JAKMIP2: variants seen among roughly 807,000 people sequenced by gnomAD.
JAKMIP2 encodes janus kinase and microtubule interacting protein 2, also known as janus kinase and microtubule-interacting protein 2.
In JAKMIP2, 25 loss-of-function variants were observed where a neutral mutation model predicts 115.0. The observed-to-expected ratio is 0.22, with a 90% CI of 0.16 to 0.30. JAKMIP2 has a LOEUF of 0.30. JAKMIP2 is among the 10% of genes least tolerant of loss of function. The pLI, the probability that JAKMIP2 is intolerant of heterozygous loss-of-function variation, is 1.00. For missense variants in JAKMIP2, 642 were observed against 957.6 expected (o/e 0.67, Z 4.35); for synonymous variants, 334 against 343.6 (o/e 0.97, Z 0.31).
chr5:147,641,972 A>C (rs778264010), intron 7 of JAKMIP2, among the ~76,000 whole-genome samples: 5 of 152,154 alleles, frequency 3.3e-5, no homozygotes, highest in Non-Finnish European at 7.4e-5. Flanking sequence ...AGTTATGTGG[A>C]TCAAGGAGCC....
chr5:147,597,336 G>A (rs1755449173), intron 21 of JAKMIP2, among the ~76,000 whole-genome samples: 1 of 152,154 alleles, frequency 6.6e-6, no homozygotes, highest in South Asian at 2.1e-4. Flanking sequence ...CAATAACATA[G>A]TATTATGTGC....
At chr5:147,711,896 G>A (rs1324206028) in intron 1 of JAKMIP2, among the ~76,000 whole-genome samples, 1 of 152,170 alleles carries the variant, frequency 6.6e-6, no homozygotes, top group African/African-American at 2.4e-5. Flanking sequence ...TTGAATTCCT[G>A]ACCTCAGGTG....
At chr5:147,602,695 A>C (rs1755769670) in intron 20 of JAKMIP2, among the ~76,000 whole-genome samples, 1 of 152,144 alleles carries the variant, frequency 6.6e-6, no homozygotes, top group African/African-American at 2.4e-5. Context: ...GTCAGTTTTA[A>C]AAAAAATAAT....
chr5:147,636,061 G>A (rs1001947936), intron 12 of JAKMIP2, among the ~76,000 whole-genome samples, 161 bp downstream of exon 12: 4 of 152,152 alleles, frequency 2.6e-5, no homozygotes, highest in Admixed American at 6.5e-5. Flanking sequence ...TGGTGATGGC[G>A]GTGACAGGGA....
chr5:147,669,309 G>A (rs1335428956), intron 2 of JAKMIP2, among the ~76,000 whole-genome samples: 1 of 152,178 alleles, frequency 6.6e-6, no homozygotes, highest in African/African-American at 2.4e-5. Context: ...GCCAAGGAGA[G>A]GGAGCCAGGC....
chr5:147,772,382 G>A (rs1755391525), intron 1 of JAKMIP2, among the ~76,000 whole-genome samples: 1 of 147,382 alleles, frequency 6.8e-6, no homozygotes, highest in Admixed American at 7.0e-5. Context: ...GCTTCTATAT[G>A]AATGAAAACT....
chr5:147,647,140 CA>C (rs1011232255), intron 5 of JAKMIP2, among the ~76,000 whole-genome samples: 1 of 151,806 alleles, frequency 6.6e-6, no homozygotes, highest in African/African-American at 2.4e-5. Context: ...ATGAAATATA[CA>C]AAGTACATTC....
chr5:147,687,820 G>A (rs1287927227), intron 1 of JAKMIP2, among the ~76,000 whole-genome samples: 1 of 152,114 alleles, frequency 6.6e-6, no homozygotes, highest in Non-Finnish European at 1.5e-5. Context: ...ATTTACCACT[G>A]TACATGTATT....
intron 1 of JAKMIP2, among the ~76,000 whole-genome samples, chr5:147,781,422 G>A (rs1358701222): frequency 6.6e-6 from 1 of 152,144 alleles, no homozygotes; most frequent in Non-Finnish European, 1.5e-5. Context: ...GAAAAGGTTG[G>A]GGTGGCATTT....
intron 1 of JAKMIP2, among the ~76,000 whole-genome samples, chr5:147,701,156 A>G (rs747333104): frequency 6.6e-6 from 1 of 152,172 alleles, no homozygotes; most frequent in Non-Finnish European, 1.5e-5. Context: ...AATAAAAGGA[A>G]TATGATTCTG....
chr5:147,648,515 T>C, intron 4 of JAKMIP2, 41 bp from the exon 5 acceptor site: 1 of 1,135,146 alleles, frequency 8.8e-7, no homozygotes, highest in Non-Finnish European at 1.3e-6. Context: ...TCAACAACAC[T>C]TTTCACAAAG....
chr5:147,718,271 G>A (rs1297696664), intron 1 of JAKMIP2, among the ~76,000 whole-genome samples: 1 of 150,384 alleles, frequency 6.6e-6, no homozygotes, highest in Non-Finnish European at 1.5e-5. Flanking sequence ...GAGGATTTTT[G>A]CATCAATGTT....
chr5:147,629,565 C>G, intron 15 of JAKMIP2, 128 bp downstream of exon 15: 1 of 624,398 alleles, frequency 1.6e-6, no homozygotes, highest in Non-Finnish European at 2.8e-6. Context: ...TATATTCTTC[C>G]CAAGGAGCAA....
chr5:147,598,513 G>C (rs1488165959), intron 21 of JAKMIP2, among the ~76,000 whole-genome samples: 1 of 151,592 alleles, frequency 6.6e-6, no homozygotes, highest in African/African-American at 2.4e-5. Flanking sequence ...TACCTCTCTG[G>C]AGAACCTGAC....
At chr5:147,598,268 G>C (rs937195922) in intron 21 of JAKMIP2, among the ~76,000 whole-genome samples, 25 of 152,086 alleles carry the variant, frequency 1.6e-4, no homozygotes, top group Non-Finnish European at 3.2e-4. Flanking sequence ...CAAAGTGCTG[G>C]GATTACAGGC....
At chr5:147,716,050 T>G (rs1331893297) in intron 1 of JAKMIP2, among the ~76,000 whole-genome samples, 1 of 140,286 alleles carries the variant, frequency 7.1e-6, no homozygotes, top group African/African-American at 2.7e-5. Flanking sequence ...TGTGTCCATG[T>G]GATCTCATTG....
At chr5:147,618,193 T>C in intron 18 of JAKMIP2, 79 bp from the exon 19 acceptor site, 1 of 1,048,156 alleles carries the variant, frequency 9.5e-7, no homozygotes, top group Non-Finnish European at 1.5e-6. Context: ...TATGTATGTA[T>C]ATGTATATGG....
chr5:147,623,629 T>C lies in JAKMIP2; in HGVS notation c.2056A>G (p.Ser686Gly). 6.2e-7 allele frequency: 1 copy of C among 1,602,868 alleles called. No homozygotes were observed. The change falls in exon 17 of 22, where the codon AGT becomes GGT. Residue 686 changes from serine (S) to glycine (G), a missense_variant. Physicochemically the swap from Ser to Gly is moderately conservative, Grantham distance 56. This residue lies in a region of JAKMIP2 where 68 missense variants were observed against 104.6 expected (regional missense o/e 0.65). Coordinates refer to ENST00000616793, the MANE Select transcript of JAKMIP2 (RefSeq NM_001270941.2). ...ALHQKMMELESDMEQFCKIKG... is the reference protein window; with the variant it reads ...ALHQKMMELEGDMEQFCKIKG... ...TCTCATCTTGTACTTACCATGTCAC[T>C]TTCCAATTCCATCATTTTCTGGTGT...
At chr5:147,762,961 C>G (rs1190857169) in intron 1 of JAKMIP2, among the ~76,000 whole-genome samples, 1 of 151,990 alleles carries the variant, frequency 6.6e-6, no homozygotes, top group Non-Finnish European at 1.5e-5. Context: ...AAACTTCTGC[C>G]AGGAGAGTTT....
Sources: gnomAD v4.1 joint callset for allele counts (sites outside exome capture counted in the v4.1 genomes callset) on GRCh38, gnomAD v4.1.1 for gene constraint, gnomAD v4.1.1 regional missense constraint, MANE v1.5 for transcripts, NCBI Gene and HGNC (gene_info 2026-07-23, HGNC 2026-07-21) for gene names.